Variants in STK32C observed in about 807,000 individuals in gnomAD.
STK32C encodes the protein serine/threonine-protein kinase 32C.
In STK32C, 31 loss-of-function variants were observed where a neutral mutation model predicts 56.5. That is an observed-to-expected ratio of 0.55 (90% CI 0.41 to 0.74). The LOEUF (loss-of-function observed/expected upper bound fraction) is 0.74, where lower values mean the gene tolerates loss of function less well. Among genes scored for constraint, STK32C ranks in the 30% least tolerant of loss-of-function variants. The pLI, the probability that STK32C is intolerant of heterozygous loss-of-function variation, is 0.00. For synonymous variants in STK32C, 309 were observed against 289.4 expected, an observed-to-expected ratio of 1.07 and a Z score of -0.69; for missense variants, 544 against 676.9, an observed-to-expected ratio of 0.80 and a Z score of 2.18.
intron 1 of STK32C, among the ~76,000 whole-genome samples, chr10:132,265,781 G>A (rs1034936782): frequency 1.4e-4 from 22 of 152,234 alleles, no homozygotes; most frequent in Non-Finnish European, 1.5e-4. Context: ...GTCCTTAGTC[G>A]CCACGGAAAC....
At chr10:132,214,459 C>CA (rs1404302193) in intron 10 of STK32C, among the ~76,000 whole-genome samples, 1 of 151,730 alleles carries the variant, frequency 6.6e-6, no homozygotes, top group Non-Finnish European at 1.5e-5. Flanking sequence ...TTTGGACAAA[C>CA]AAAAAGGGAA....
chr10:132,282,942 G>A (rs1389962996), intron 1 of STK32C, among the ~76,000 whole-genome samples: 2 of 152,264 alleles, frequency 1.3e-5, no homozygotes, highest in Non-Finnish European at 2.9e-5. Flanking sequence ...GCCCCTCTGA[G>A]GCTGGGGTCG....
chr10:132,274,784 T>A (rs1190484261), intron 1 of STK32C, among the ~76,000 whole-genome samples: 1 of 152,084 alleles, frequency 6.6e-6, no homozygotes, highest in African/African-American at 2.4e-5. Context: ...GTCGGCCACC[T>A]CCACCCCCAA....
chr10:132,242,600 G>A (rs1353387401), intron 2 of STK32C, among the ~76,000 whole-genome samples: 2 of 151,934 alleles, frequency 1.3e-5, no homozygotes, highest in Admixed American at 6.6e-5. Flanking sequence ...CACAGCCCCC[G>A]CTGCTTCTCC....
At chr10:132,273,032 G>A (rs2064877139) in intron 1 of STK32C, among the ~76,000 whole-genome samples, 1 of 152,142 alleles carries the variant, frequency 6.6e-6, no homozygotes, top group Non-Finnish European at 1.5e-5. Flanking sequence ...CCTATTTAGT[G>A]TGTCGTTTTC....
chr10:132,328,623 C>T (rs2066554391), intron 1 of STK32C, among the ~76,000 whole-genome samples: 1 of 152,198 alleles, frequency 6.6e-6, no homozygotes, highest in Non-Finnish European at 1.5e-5. Context: ...TGAATTCCTT[C>T]CCAAGGTTAG....
intron 1 of STK32C, among the ~76,000 whole-genome samples, chr10:132,249,707 C>T (rs1427705059): frequency 1.3e-5 from 2 of 152,200 alleles, no homozygotes; most frequent in African/African-American, 4.8e-5. Flanking sequence ...CTGTGCACAG[C>T]GGCCCTCATG....
Position 132,307,267 on chromosome 10 carries a change from T to C in STK32C, c.262+305A>G, listed in dbSNP as rs1055826509. Reference sequence around the variant, plus strand: ...GATCACGGAAAGCGGAAAGCAGGGCTGCCACGGGCGGTGGGCGGAGGCGCG... The same window carrying C: ...GATCACGGAAAGCGGAAAGCAGGGCCGCCACGGGCGGTGGGCGGAGGCGCG... On this transcript the variant is annotated intron_variant, in intron 1 of 11. Transcript: ENST00000298630. The surrounding 1 kb of genome is among the most constrained non-coding windows in gnomAD (Gnocchi z 4.4). The C allele has an allele frequency of 4.1e-6, 1 of 243,458 alleles. No homozygotes were observed. The allele number at this position is 243,458 out of a possible 1,614,324, so 15.1% of individuals were successfully genotyped here. A position where few individuals can be genotyped will look rare whatever the true frequency, so the allele number is the denominator to read the frequency against.
At chr10:132,276,166 C>A (rs1340970521) in intron 1 of STK32C, among the ~76,000 whole-genome samples, 1 of 152,206 alleles carries the variant, frequency 6.6e-6, no homozygotes, top group African/African-American at 2.4e-5. Flanking sequence ...CCACACAAAT[C>A]AGAAGGTGGA....
rs189748067 is a variant in STK32C at position 132,239,706 on chromosome 10, G to A, written c.318+6194C>T. On this transcript the variant is annotated intron_variant, in intron 2 of 11. Coordinates refer to ENST00000298630, the MANE Select transcript of STK32C (RefSeq NM_173575.4). Reference sequence around the variant, plus strand: ...GGAGCCCGGCAGCAGGCCAGCAGACGCTGCTGGACATCGTCAACTTTTAGC... The same window carrying A: ...GGAGCCCGGCAGCAGGCCAGCAGACACTGCTGGACATCGTCAACTTTTAGC... Among the ~76,000 whole-genome samples, 556 of 152,326 alleles carry A rather than the reference G, an allele frequency of 3.7e-3. 2 individuals carry two copies. Among genetic ancestry groups the A allele is most frequent in the African/African-American group, 0.012 (506 of 41,574 alleles).
At chr10:132,242,644 C>T (rs1221746337) in intron 2 of STK32C, among the ~76,000 whole-genome samples, 2 of 152,202 alleles carry the variant, frequency 1.3e-5, no homozygotes, top group African/African-American at 4.8e-5. Context: ...AGCTGTGTGC[C>T]CCCCATGCGG....
At chr10:132,234,856 TG>T (rs779563045) in intron 2 of STK32C, among the ~76,000 whole-genome samples, 4 of 152,210 alleles carry the variant, frequency 2.6e-5, no homozygotes, top group Non-Finnish European at 5.9e-5. Context: ...ATTGGACACT[TG>T]TGCAGTATGC....
At chr10:132,227,516 T>C (rs1483217850) in intron 3 of STK32C, among the ~76,000 whole-genome samples, 1 of 151,846 alleles carries the variant, frequency 6.6e-6, no homozygotes, top group Non-Finnish European at 1.5e-5. Flanking sequence ...GTGGTGGTGG[T>C]GGTAATGGTG....
At chr10:132,215,742 A>C (rs932413285) in intron 10 of STK32C, among the ~76,000 whole-genome samples, 1 of 152,222 alleles carries the variant, frequency 6.6e-6, no homozygotes, top group Non-Finnish European at 1.5e-5. Flanking sequence ...AAAATGTGGA[A>C]GCAACTTTTT....
intron 2 of STK32C, among the ~76,000 whole-genome samples, chr10:132,242,599 C>T (rs185359447): frequency 3.0e-4 from 45 of 152,246 alleles, no homozygotes; most frequent in South Asian, 4.1e-4. Flanking sequence ...TCACAGCCCC[C>T]GCTGCTTCTC....
chr10:132,315,144 A>G (rs1299031507), intron 1 of STK32C, among the ~76,000 whole-genome samples: 2 of 152,190 alleles, frequency 1.3e-5, no homozygotes, highest in Non-Finnish European at 2.9e-5. Flanking sequence ...CAAAAAAAAA[A>G]GAATAAGTTC....
chr10:132,264,841 G>A (rs1423163321), intron 1 of STK32C, among the ~76,000 whole-genome samples: 2 of 152,224 alleles, frequency 1.3e-5, no homozygotes, highest in African/African-American at 4.8e-5. Context: ...TTTCCTTGAT[G>A]GAAGACGTAA....
chr10:132,306,179 G>A (rs193241826), intron 1 of STK32C, among the ~76,000 whole-genome samples: 6 of 152,310 alleles, frequency 3.9e-5, no homozygotes, highest in East Asian at 1.9e-4. Flanking sequence ...CGGAGAGCAC[G>A]GTGCCGAGAC....
chr10:132,297,294 G>A lies in STK32C; in HGVS notation c.262+10278C>T, dbSNP rs536880625. 2.5e-3 allele frequency among the ~76,000 whole-genome samples: 377 copies of A among 152,240 alleles called. 6 individuals carry two copies. The South Asian group carries it at 0.043, about 17-fold the overall frequency. On this transcript the variant is annotated intron_variant, in intron 1 of 11. Transcript: ENST00000298630. ...AGCGTGTCCAGGGCAGCCAGTCCTC[G>A]CTGCCACCCCACCGGTGCCTCCGCC...
Sources: gnomAD v4.1 joint callset for allele counts (sites outside exome capture counted in the v4.1 genomes callset) on GRCh38, gnomAD v4.1.1 for gene constraint, Gnocchi (gnomAD v3.1) non-coding constraint, MANE v1.5 for transcripts, NCBI Gene and HGNC (gene_info 2026-07-23, HGNC 2026-07-21) for gene names.